Variants in CCSER1 observed in about 807,000 individuals in gnomAD.
The protein encoded by CCSER1 is coiled-coil serine rich protein 1.
CCSER1 carries 41 observed loss-of-function variants against 82.0 expected under a neutral mutation model. That is an observed-to-expected ratio of 0.50 (90% confidence interval 0.39 to 0.65). The LOEUF (loss-of-function observed/expected upper bound fraction) is 0.65. Ranked by LOEUF, CCSER1 falls within the 30% of genes least tolerant of loss-of-function variation. The pLI is 0.00. For missense variants in CCSER1, 1,119 were observed against 1,064.2 expected, an observed-to-expected ratio of 1.05 and a Z score of -0.72; for synonymous variants, 414 against 383.9, an observed-to-expected ratio of 1.08 and a Z score of -0.92.
intron 9 of CCSER1, among the ~76,000 whole-genome samples, chr4:91,082,306 G>T (rs1431708357): frequency 3.9e-5 from 6 of 152,108 alleles, no homozygotes; most frequent in African/African-American, 1.4e-4. Context: ...ACAAGAAATG[G>T]GGAAAGGATT....
chr4:91,119,562 A>G (rs1289988855), intron 10 of CCSER1, among the ~76,000 whole-genome samples: 2 of 152,010 alleles, frequency 1.3e-5, no homozygotes, highest in African/African-American at 4.8e-5. Context: ...ACCAAAACAC[A>G]GTTGAGTCAA....
chr4:90,843,725 AT>A (rs1447492445), intron 8 of CCSER1, among the ~76,000 whole-genome samples: 1 of 152,158 alleles, frequency 6.6e-6, no homozygotes, highest in Non-Finnish European at 1.5e-5. Flanking sequence ...GGTACAAAAC[AT>A]TTTTTAAAAA....
rs1561385522 is a variant in CCSER1 at position 90,933,006 on chromosome 4, A to AAG, written c.2172+9561_2172+9562dup. On this transcript the variant is annotated intron_variant, in intron 9 of 10. Transcript: ENST00000509176. ...AGAGAAAGAAAGAAAGAAAGAAAGAAAGAAAGAAAGAAAGAAAGAAAGAAA... is the reference window on the plus strand; with the variant it reads ...AGAGAAAGAAAGAAAGAAAGAAAGAAAGAGAAAGAAAGAAAGAAAGAAAGAAA... 3.9e-4 allele frequency among the ~76,000 whole-genome samples: 31 copies of AAG among 80,166 alleles called. 5 individuals carry two copies. The highest frequency in any genetic ancestry group is 2.1e-3 in the African/African-American group (22 of 10,240). The allele number at this position is 80,166 out of a possible 152,430, so 52.6% of individuals were successfully genotyped here. A position where few individuals can be genotyped will look rare whatever the true frequency, so the allele number is the denominator to read the frequency against.
intron 10 of CCSER1, among the ~76,000 whole-genome samples, chr4:91,555,902 G>T (rs1762376517): frequency 6.6e-6 from 1 of 151,106 alleles, no homozygotes; most frequent in African/African-American, 2.4e-5. Context: ...TACAGGTAAA[G>T]AAATAGAAAG....
chr4:90,334,431 A>G (rs1285464855), intron 3 of CCSER1, among the ~76,000 whole-genome samples: 1 of 152,094 alleles, frequency 6.6e-6, no homozygotes, highest in Non-Finnish European at 1.5e-5. Flanking sequence ...GTTAGAGTAA[A>G]AAATACTTTA....
At chr4:91,229,312 G>A (rs1378073830) in intron 10 of CCSER1, among the ~76,000 whole-genome samples, 1 of 147,060 alleles carries the variant, frequency 6.8e-6, no homozygotes, top group African/African-American at 2.5e-5. Flanking sequence ...AGGTACTCAA[G>A]TGAAGAAACA....
intron 5 of CCSER1, among the ~76,000 whole-genome samples, chr4:90,606,253 A>C (rs1228374993): frequency 1.3e-5 from 2 of 152,208 alleles, no homozygotes; most frequent in African/African-American, 4.8e-5. Flanking sequence ...ATACAGTCTG[A>C]AAAATATGTC....
intron 10 of CCSER1, among the ~76,000 whole-genome samples, chr4:91,178,145 T>C (rs1733601786): frequency 6.6e-6 from 1 of 152,144 alleles, no homozygotes; most frequent in Non-Finnish European, 1.5e-5. Context: ...TAATCTTGAG[T>C]TCTAGTTTGT....
At chr4:91,130,866 TAATTA>T (rs1371670642) in intron 10 of CCSER1, among the ~76,000 whole-genome samples, 1 of 151,816 alleles carries the variant, frequency 6.6e-6, no homozygotes, top group African/African-American at 2.4e-5. Flanking sequence ...CACTTATTTT[TAATTA>T]AATATATTAT....
At chr4:91,478,229 G>A (rs1325619156) in intron 10 of CCSER1, among the ~76,000 whole-genome samples, 1 of 151,720 alleles carries the variant, frequency 6.6e-6, no homozygotes, top group African/African-American at 2.4e-5. Context: ...ATAATTACTG[G>A]TTATTCCTGC....
chr4:91,515,237 T>C (rs1458942754), intron 10 of CCSER1, among the ~76,000 whole-genome samples: 1 of 152,158 alleles, frequency 6.6e-6, no homozygotes, highest in South Asian at 2.1e-4. Context: ...CAGGGGTACA[T>C]GTGCAGGTTT....
chr4:90,917,798 T>C (rs1055539853), intron 8 of CCSER1, among the ~76,000 whole-genome samples: 3 of 152,150 alleles, frequency 2.0e-5, no homozygotes, highest in African/African-American at 7.2e-5. Context: ...TTGTCCCACC[T>C]AATTTCTAGT....
chr4:90,383,104 T>A (rs1202493487), intron 3 of CCSER1, among the ~76,000 whole-genome samples: 1 of 152,154 alleles, frequency 6.6e-6, no homozygotes, highest in Non-Finnish European at 1.5e-5. Context: ...GAAATTAATG[T>A]TGACCGTAGC....
intron 10 of CCSER1, among the ~76,000 whole-genome samples, chr4:91,199,408 A>G (rs1454000116): frequency 6.6e-6 from 1 of 152,164 alleles, no homozygotes; most frequent in Non-Finnish European, 1.5e-5. Flanking sequence ...GTAGATGACT[A>G]TATTTCTTAG....
intron 1 of CCSER1, among the ~76,000 whole-genome samples, chr4:90,209,389 A>T (rs953944398): frequency 1.3e-5 from 2 of 152,134 alleles, no homozygotes; most frequent in African/African-American, 4.8e-5. Context: ...GGAGGGGCAG[A>T]ATCTGAGGGC....
At chr4:90,870,355 A>G (rs1415132330) in intron 8 of CCSER1, among the ~76,000 whole-genome samples, 1 of 151,868 alleles carries the variant, frequency 6.6e-6, no homozygotes, top group Non-Finnish European at 1.5e-5. Context: ...AATTGTATTG[A>G]AGTATGTTTC....
intron 5 of CCSER1, among the ~76,000 whole-genome samples, chr4:90,570,722 G>A (rs919627352): frequency 2.1e-4 from 32 of 152,178 alleles, no homozygotes; most frequent in Non-Finnish European, 3.5e-4. Flanking sequence ...TTTTGCCTCC[G>A]GTCTCCACAC....
chr4:90,933,818 ATTATT>A (rs1730584041), intron 9 of CCSER1, among the ~76,000 whole-genome samples: 1 of 151,938 alleles, frequency 6.6e-6, no homozygotes, highest in South Asian at 2.1e-4. Flanking sequence ...ATAGATGAAT[ATTATT>A]TTACTGTAAT....
intron 9 of CCSER1, among the ~76,000 whole-genome samples, chr4:90,976,069 G>A (rs1207045217): frequency 5.3e-5 from 8 of 151,112 alleles, no homozygotes; most frequent in African/African-American, 1.9e-4. Flanking sequence ...GTTTATCTCC[G>A]AAATTGGTTC....
Sources: allele counts gnomAD v4.1 joint callset (sites outside exome capture counted in the v4.1 genomes callset), GRCh38; gene constraint gnomAD v4.1.1; transcripts MANE v1.5; gene names NCBI Gene and HGNC (gene_info 2026-07-23, HGNC 2026-07-21).